The following ITGB6 variants were observed in gnomAD, a reference collection of about 807,000 sequenced individuals.
The protein encoded by ITGB6 is integrin subunit beta 6.
In ITGB6, 80 loss-of-function variants were observed where a neutral mutation model predicts 84.5. The observed-to-expected ratio is 0.95, with a 90% CI of 0.79 to 1.14. The LOEUF (loss-of-function observed/expected upper bound fraction) is 1.14. Ranked by LOEUF, ITGB6 falls within the 50% of genes most tolerant of loss-of-function variation. The pLI is 0.00. For synonymous variants in ITGB6, 383 were observed against 354.9 expected (o/e 1.08, Z -0.89); for missense variants, 1,006 against 968.0 (o/e 1.04, Z -0.52).
At chr2:160,127,223 A>G (rs900086492) in intron 10 of ITGB6, among the ~76,000 whole-genome samples, 1 of 152,152 alleles carries the variant, frequency 6.6e-6, no homozygotes, top group Admixed American at 6.5e-5. Context: ...TTCTTTCCAG[A>G]TCTTCTTCCT....
Position 160,174,107 on chromosome 2 carries a change from C to T in ITGB6, c.626G>A (p.Gly209Glu). The change falls in exon 5 of 15, where the codon GGA (glycine) becomes GAA (glutamate). Residue 209 changes from glycine to glutamate, a missense_variant. Coordinates refer to ENST00000283249, the MANE Select transcript of ITGB6 (RefSeq NM_000888.5). ...TGTCAATGGCAAAATGTGCTTGAATCCAAATGTAGGTAAACAGAAGTATGG... is the reference window on the plus strand; with the variant it reads ...TGTCAATGGCAAAATGTGCTTGAATTCAAATGTAGGTAAACAGAAGTATGG... The part of the protein sequence containing the change: ...SIPYFCLPTF[G>E]FKHILPLTND... The T allele has an allele frequency of 6.2e-7, 1 of 1,610,978 alleles. No homozygotes were observed. Among genetic ancestry groups the T allele is most frequent in the Non-Finnish European group, 8.5e-7 (1 of 1,179,168 alleles).
At chr2:160,160,766 C>T (rs1684784622) in intron 7 of ITGB6, among the ~76,000 whole-genome samples, 1 of 152,128 alleles carries the variant, frequency 6.6e-6, no homozygotes, top group African/African-American at 2.4e-5. Flanking sequence ...GCTGGGTGAG[C>T]TCCCTTCAAA....
intron 7 of ITGB6, among the ~76,000 whole-genome samples, chr2:160,155,501 T>C (rs1424781081): frequency 6.6e-6 from 1 of 152,196 alleles, no homozygotes; most frequent in Non-Finnish European, 1.5e-5. Flanking sequence ...TTATGACACA[T>C]GTACTACCGT....
Position 160,146,595 on chromosome 2 carries a change from T to C in ITGB6, c.1018-4524A>G, listed in dbSNP as rs555354338. Among the ~76,000 whole-genome samples the C allele has an allele frequency of 1.1e-4, 16 of 152,332 alleles. No homozygotes were observed. The South Asian group carries it at 2.7e-3, about 26-fold the overall frequency. The stretch of plus-strand genomic sequence containing the variant: ...ATATAATCTGCTCACAAATTTCTCT[T>C]CAAATCTTTCTAAGTATTTTTTGTC... On this transcript the variant is annotated intron_variant, in intron 7 of 14. Coordinates refer to ENST00000283249, the MANE Select transcript of ITGB6 (RefSeq NM_000888.5).
chr2:160,121,399 C>T (rs1683033388), intron 12 of ITGB6, among the ~76,000 whole-genome samples: 1 of 152,162 alleles, frequency 6.6e-6, no homozygotes, highest in African/African-American at 2.4e-5. Context: ...CCAGGGGCGC[C>T]TTTTTCTATG....
intron 10 of ITGB6, among the ~76,000 whole-genome samples, chr2:160,133,147 G>C (rs939582259): frequency 5.9e-5 from 9 of 152,098 alleles, no homozygotes; most frequent in Non-Finnish European, 2.9e-5. Flanking sequence ...AGACCCATCA[G>C]TGTGCTGTAT....
chr2:160,199,971 G>T lies in ITGB6; in HGVS notation c.61+32C>A, dbSNP rs377475291. 3.2e-6 allele frequency: 5 copies of T among 1,551,630 alleles called. No homozygotes were observed. The Admixed American group carries it at 6.8e-5, about 21-fold the overall frequency. ...ATGACAGGTTTGTCAAGCATACCAC[G>T]AAAGTAATATATCAGAGAACGCAGG... On this transcript the variant is annotated intron_variant, in intron 1 of 14. Coordinates refer to ENST00000283249, the MANE Select transcript of ITGB6 (RefSeq NM_000888.5).
At chr2:160,142,639 G>T (rs1286400287) in intron 7 of ITGB6, among the ~76,000 whole-genome samples, 1 of 152,156 alleles carries the variant, frequency 6.6e-6, no homozygotes, top group Non-Finnish European at 1.5e-5. Flanking sequence ...ACCGTGCTGG[G>T]GTTGGTTGGA....
intron 7 of ITGB6, among the ~76,000 whole-genome samples, chr2:160,154,048 A>C (rs1684530728): frequency 6.6e-6 from 1 of 152,226 alleles, no homozygotes; most frequent in Non-Finnish European, 1.5e-5. Context: ...ATCTAGAACT[A>C]GAAGTGCCAT....
At chr2:160,192,894 A>G (rs1686196503) in intron 4 of ITGB6, among the ~76,000 whole-genome samples, 1 of 152,128 alleles carries the variant, frequency 6.6e-6, no homozygotes, top group South Asian at 2.1e-4. Context: ...GGAGCTCAAC[A>G]TCATTCATTA....
intron 12 of ITGB6, among the ~76,000 whole-genome samples, chr2:160,113,292 T>C (rs773613358): frequency 9.9e-5 from 15 of 152,220 alleles, no homozygotes; most frequent in Non-Finnish European, 2.1e-4. Flanking sequence ...GTTTTCTGAA[T>C]CTAACAAAAA....
intron 12 of ITGB6, among the ~76,000 whole-genome samples, chr2:160,113,637 G>C (rs1398353499): frequency 6.6e-6 from 1 of 152,214 alleles, no homozygotes; most frequent in Non-Finnish European, 1.5e-5. Context: ...TGAAAATGTA[G>C]ATTCTGGGGA....
chr2:160,192,864 G>A (rs894947652), intron 4 of ITGB6, among the ~76,000 whole-genome samples: 6 of 151,922 alleles, frequency 3.9e-5, no homozygotes, highest in African/African-American at 1.5e-4. Context: ...AAATAAGAAT[G>A]GCAAATAAAC....
chr2:160,118,340 G>T (rs1238040043), intron 12 of ITGB6, among the ~76,000 whole-genome samples: 1 of 152,124 alleles, frequency 6.6e-6, no homozygotes, highest in African/African-American at 2.4e-5. Flanking sequence ...TTCATCCCTG[G>T]GATGCAAGGC....
intron 7 of ITGB6, among the ~76,000 whole-genome samples, chr2:160,152,594 C>T (rs1231822220): frequency 2.6e-5 from 4 of 152,120 alleles, no homozygotes; most frequent in African/African-American, 9.7e-5. Flanking sequence ...GAAGATCTGG[C>T]TAGGGCAATC....
chr2:160,146,920 T>G (rs1684218466), intron 7 of ITGB6, among the ~76,000 whole-genome samples: 1 of 151,444 alleles, frequency 6.6e-6, no homozygotes, highest in Non-Finnish European at 1.5e-5. Context: ...GGTAACATAG[T>G]GAGACCCCAT....
rs369726068 is a variant in ITGB6, at chr2:160,196,369, G to C, written c.193C>G (p.Leu65Val). 32 of 1,613,892 alleles carry C rather than the reference G, an allele frequency of 2.0e-5. No individual in the cohort carries two copies. The highest frequency in any genetic ancestry group is 1.1e-4 in the East Asian group (5 of 44,876). The change falls in exon 3 of 15, where the codon CTT becomes GTT. Residue 65 changes from leucine to valine, a missense_variant. Physicochemically the swap from Leu to Val is conservative, Grantham distance 32. Coordinates refer to ENST00000283249, the MANE Select transcript of ITGB6 (RefSeq NM_000888.5). The stretch of plus-strand genomic sequence containing the variant: ...TTTAATTGACATCCTTTAGCTAAAA[G>C]GTTTGCTGGGGTATCACACCTTTCG... ...VGERCDTPANLLAKGCQLNFI... is the reference protein window; with the variant it reads ...VGERCDTPANVLAKGCQLNFI...
At chr2:160,138,027 A>C (rs770955338) in intron 9 of ITGB6, 38 bp downstream of exon 9, 10 of 1,581,470 alleles carry the variant, frequency 6.3e-6, no homozygotes, top group Non-Finnish European at 7.7e-6. Flanking sequence ...TGACCCATCC[A>C]GGTATTTATT....
At chr2:160,145,895 G>GA (rs1365102983) in intron 7 of ITGB6, among the ~76,000 whole-genome samples, 1 of 152,166 alleles carries the variant, frequency 6.6e-6, no homozygotes, top group East Asian at 1.9e-4. Context: ...TGTATCTCCT[G>GA]TGTGCTTAGC....
Sources: allele counts gnomAD v4.1 joint callset (sites outside exome capture counted in the v4.1 genomes callset), GRCh38; gene constraint gnomAD v4.1.1; transcripts MANE v1.5; gene names NCBI Gene and HGNC (gene_info 2026-07-23, HGNC 2026-07-21).